DNAH14: variants seen among roughly 807,000 people sequenced by gnomAD.
DNAH14 encodes the protein axonemal beta dynein heavy chain 14.
DNAH14 carries 478 observed loss-of-function variants against 520.9 expected under a neutral mutation model. The ratio of observed to expected loss-of-function variants is 0.92; its 90% confidence interval spans 0.85 to 0.99. The LOEUF (loss-of-function observed/expected upper bound fraction) is 0.99. DNAH14 is among the 50% of genes least tolerant of loss of function. The pLI, the probability that DNAH14 is intolerant of heterozygous loss-of-function variation, is 0.00. For missense variants in DNAH14, 4,831 were observed against 5,234.5 expected (o/e 0.92, Z 2.38); for synonymous variants, 1,581 against 1,757.2 (o/e 0.90, Z 2.51).
At chr1:225,231,254 T>G (rs1246255148) in intron 42 of DNAH14, 103 bp downstream of exon 42, 1 of 756,738 alleles carries the variant, frequency 1.3e-6, no homozygotes, top group Non-Finnish European at 2.0e-6. Context: ...TTTTGTATTT[T>G]CATAGTATCA....
intron 72 of DNAH14, 99 bp from the exon 73 acceptor site, chr1:225,353,704 A>G: frequency 1.4e-6 from 1 of 713,882 alleles, no homozygotes; most frequent in South Asian, 1.7e-5. Flanking sequence ...AAAAAAAAAA[A>G]AGTCACAATT....
chr1:225,370,185 G>A (rs1048842254), intron 77 of DNAH14, among the ~76,000 whole-genome samples: 2 of 152,302 alleles, frequency 1.3e-5, no homozygotes, highest in African/African-American at 4.8e-5. Context: ...CTACTCAGGA[G>A]GCAGGAGAGT....
chr1:225,264,705 C>T (rs892185321), intron 47 of DNAH14, among the ~76,000 whole-genome samples: 3 of 152,096 alleles, frequency 2.0e-5, no homozygotes, highest in African/African-American at 2.4e-5. Flanking sequence ...GTTTTGGGAA[C>T]AGCAACTCCG....
chr1:225,009,292 G>C (rs1261024102), intron 10 of DNAH14, among the ~76,000 whole-genome samples: 1 of 152,184 alleles, frequency 6.6e-6, no homozygotes, highest in African/African-American at 2.4e-5. Context: ...TAAGGTGTAA[G>C]GAAGGGGTCC....
chr1:224,967,288 G>A lies in DNAH14; in HGVS notation c.499-143G>A, dbSNP rs1488279650. On this transcript the variant is annotated intron_variant, in intron 5 of 85. Coordinates refer to ENST00000682510, the MANE Select transcript of DNAH14 (RefSeq NM_001367479.1). ...ATTGTTTAGACATAATTTGATGTTA[G>A]CTTTCTCCAAATATAGTATTCTTAT... 3 of 460,212 alleles carry A rather than the reference G, an allele frequency of 6.5e-6. No homozygotes were observed. In the East Asian group the frequency reaches 1.1e-4, roughly 17 times the overall value. The allele number at this position is 460,212 out of a possible 1,614,324, so 28.5% of individuals were successfully genotyped here.
At chr1:225,015,843 G>C (rs954164842) in intron 10 of DNAH14, among the ~76,000 whole-genome samples, 4 of 152,214 alleles carry the variant, frequency 2.6e-5, no homozygotes, top group African/African-American at 9.6e-5. Flanking sequence ...CTGGGCTCCA[G>C]AGGTGGATAC....
intron 37 of DNAH14, among the ~76,000 whole-genome samples, chr1:225,189,286 T>A (rs989437409): frequency 3.9e-5 from 6 of 152,002 alleles, no homozygotes; most frequent in African/African-American, 1.4e-4. Context: ...TTGAGGATTT[T>A]TGCATATATA....
intron 11 of DNAH14, among the ~76,000 whole-genome samples, chr1:225,034,914 G>A (rs983386371): frequency 6.6e-6 from 1 of 152,078 alleles, no homozygotes; most frequent in East Asian, 1.9e-4. Context: ...GGGGTCAGTA[G>A]TAACATTCCC....
intron 55 of DNAH14, among the ~76,000 whole-genome samples, chr1:225,291,602 G>T (rs1436141084): frequency 6.6e-6 from 1 of 152,002 alleles, no homozygotes. Flanking sequence ...TAGAGGCGGG[G>T]TCTCACTGTG....
intron 36 of DNAH14, among the ~76,000 whole-genome samples, chr1:225,174,288 A>G (rs966177527): frequency 1.3e-5 from 2 of 152,088 alleles, no homozygotes; most frequent in African/African-American, 4.8e-5. Context: ...TAAAAGAAAA[A>G]CAATATGAAT....
intron 41 of DNAH14, among the ~76,000 whole-genome samples, chr1:225,226,844 A>T (rs967182814): frequency 6.6e-6 from 1 of 152,034 alleles, no homozygotes; most frequent in African/African-American, 2.4e-5. Flanking sequence ...TGGTGGGGAG[A>T]GGGTTAGCAG....
In DNAH14 at chr1:225,360,756, C is replaced by T; in HGVS notation, c.11852C>T (p.Ser3951Phe). Residue 3951 changes from serine (S) to phenylalanine (F), a missense_variant, in exon 75 of 86, where the codon TCT becomes TTT. Ser to Phe is a radical substitution (Grantham distance 155, BLOSUM62 -2). Transcript: ENST00000682510. ...KGTTHHVTII[S>F]LGRDQAAKAE... ...ACAACACATCATGTGACCATAATTT[C>T]TCTGGGCCGTGACCAAGCAGCTAAA... 6.4e-7 allele frequency: 1 copy of T among 1,551,698 alleles called. No homozygotes were observed. The highest frequency in any genetic ancestry group is 1.2e-5 in the South Asian group (1 of 84,062).
At position 225,144,567 on chromosome 1, in the gene DNAH14, G is replaced by A; in HGVS notation, c.4679G>A (p.Gly1560Glu). The A allele has an allele frequency of 6.4e-7, 1 of 1,551,574 alleles. No homozygotes were observed. Residue 1560 changes from glycine to glutamate, a missense_variant, in exon 29 of 86, where the codon GGA (glycine) becomes GAA (glutamate). Transcript: ENST00000682510. ...ATGGAAGCACTACACTTGAATCTAG[G>A]AGGCTGTCCTGCCGGTCCAGCTGGT... ...TLMEALHLNL[G>E]GCPAGPAGTG...
rs577145284 is a variant in DNAH14 at position 224,933,282 on chromosome 1, C to G, written c.-34+3447C>G. Among the ~76,000 whole-genome samples the G allele has an allele frequency of 4.6e-5, 7 of 152,126 alleles. No homozygotes were observed. In the South Asian group the frequency reaches 1.4e-3, roughly 31 times the overall value. ...GATTTTTGTACATTGATTTTGTATC[C>G]TGCAGCTTTACTGAATTCATCTATA... On this transcript the variant is annotated intron_variant, in intron 1 of 85. Coordinates refer to ENST00000682510, the MANE Select transcript of DNAH14 (RefSeq NM_001367479.1).
chr1:225,241,305 G>T (rs2091949770), intron 43 of DNAH14, among the ~76,000 whole-genome samples: 1 of 152,112 alleles, frequency 6.6e-6, no homozygotes, highest in Non-Finnish European at 1.5e-5. Context: ...ATTAGCTGTT[G>T]TTGACTAAAA....
chr1:225,210,132 T>TGGCCAGTGGG (rs2088173022), intron 41 of DNAH14, among the ~76,000 whole-genome samples: 4 of 152,030 alleles, frequency 2.6e-5, no homozygotes, highest in Middle Eastern at 6.8e-3. Context: ...AGTGGGGTAC[T>TGGCCAGTGGG]TACTGGCCTG....
At chr1:225,044,860 A>C (rs1159075206) in intron 15 of DNAH14, among the ~76,000 whole-genome samples, 16 of 152,126 alleles carry the variant, frequency 1.1e-4, no homozygotes, top group Non-Finnish European at 1.5e-5. Flanking sequence ...AACATTATAC[A>C]CTTACAGACA....
intron 31 of DNAH14, among the ~76,000 whole-genome samples, 179 bp downstream of exon 31, chr1:225,147,428 A>T (rs2080055084): frequency 6.6e-6 from 1 of 152,154 alleles, no homozygotes; most frequent in Non-Finnish European, 1.5e-5. Context: ...TTGGCAAATA[A>T]TGTGAATATA....
intron 71 of DNAH14, among the ~76,000 whole-genome samples, chr1:225,349,339 G>A (rs566563384): frequency 6.6e-6 from 1 of 152,170 alleles, no homozygotes; most frequent in South Asian, 2.1e-4. Flanking sequence ...GGGAATCAAA[G>A]TATATCACCA....
Sources: gnomAD v4.1 joint callset for allele counts (sites outside exome capture counted in the v4.1 genomes callset) on GRCh38, gnomAD v4.1.1 for gene constraint, MANE v1.5 for transcripts, NCBI Gene and HGNC (gene_info 2026-07-23, HGNC 2026-07-21) for gene names.